Variants in MATN4 observed in about 807,000 individuals in gnomAD.
MATN4 encodes matrilin-4.
Under a neutral mutation model 54.6 loss-of-function variants are expected in MATN4, and 40 were observed. The observed-to-expected ratio is 0.73, with a 90% CI of 0.57 to 0.95. The LOEUF (loss-of-function observed/expected upper bound fraction) is 0.95. MATN4 is among the 40% of genes least tolerant of loss of function. The pLI, the probability that MATN4 is intolerant of heterozygous loss-of-function variation, is 0.00. For missense variants in MATN4, 810 were observed against 819.1 expected (o/e 0.99, Z 0.13); for synonymous variants, 351 against 345.3 (o/e 1.02, Z -0.18).
In MATN4 at chr20:45,300,957, G is replaced by A. The variant is rs143769922; in HGVS notation, c.942C>T (p.Ser314=). Residue 314 remains serine, a synonymous_variant, in exon 6 of 10, where the codon AGC becomes AGT. Coordinates refer to ENST00000372756, the MANE Select transcript of MATN4 (RefSeq NM_001393530.1). ...ACAGGCAGCGGTAGGAGAGGCCCTC[G>A]CTCACACACTGGAACTCACAGCCAT... ...VDHGCEFQCV[S]EGLSYRCLCP... is the part of the protein sequence containing the mutation. 1.3e-4 allele frequency: 215 copies of A among 1,614,014 alleles called. 1 individual carries two copies. The African/African-American group carries it at 1.6e-3, about 12-fold the overall frequency.
At chr20:45,295,986 C>T (rs1201233305) in intron 8 of MATN4, among the ~76,000 whole-genome samples, 3 of 151,838 alleles carry the variant, frequency 2.0e-5, no homozygotes, top group Admixed American at 6.6e-5. Context: ...GAGGCTGAGG[C>T]GGGTGGATCA....
chr20:45,297,926 A>T lies in MATN4; in HGVS notation c.1571T>A (p.Ile524Asn), dbSNP rs138008708. 2.3e-5 allele frequency: 37 copies of T among 1,614,152 alleles called. No homozygotes were observed. In the African/African-American group the frequency reaches 4.8e-4, roughly 21 times the overall value. The change falls in exon 8 of 10, where the codon ATC (isoleucine) becomes AAC (asparagine). Residue 524 changes from isoleucine to asparagine, a missense_variant. Coordinates refer to ENST00000372756, the MANE Select transcript of MATN4 (RefSeq NM_001393530.1). ...GAGAGAGATGCGCTCACCTGGACAG[A>T]TGCTGCCTCTGAGGTTCTCCAGCAG... ...THLLENLRGS[I>N]CPEEGISAGT...
chr20:45,300,738 G>A (rs1986168106), intron 6 of MATN4, 149 bp downstream of exon 6: 3 of 870,778 alleles, frequency 3.4e-6, no homozygotes, highest in Non-Finnish European at 5.2e-6. Context: ...ATGGAAGGAG[G>A]GAATGGCACA....
intron 3 of MATN4, among the ~76,000 whole-genome samples, chr20:45,303,082 CAAAAAAAA>C (rs79635257): frequency 2.4e-5 from 2 of 82,928 alleles, no homozygotes; most frequent in Non-Finnish European, 4.8e-5. Flanking sequence ...GACTCTGTCT[CAAAAAAAA>C]AAAAAAAAAA....
intron 6 of MATN4, among the ~76,000 whole-genome samples, chr20:45,299,547 A>T (rs1030706468): frequency 1.3e-5 from 2 of 152,122 alleles, no homozygotes; most frequent in African/African-American, 4.8e-5. Context: ...TTAGGATTAG[A>T]TGAGGACATG....
intron 2 of MATN4, 140 bp downstream of exon 2, chr20:45,305,370 G>C (rs1161981432): frequency 3.4e-6 from 2 of 583,062 alleles, no homozygotes; most frequent in Admixed American, 3.3e-5. Context: ...GGCCCAGAAA[G>C]GTGAAGTGGG....
In MATN4 at chr20:45,298,390, G is replaced by A. The variant is rs776094217; in HGVS notation, c.1206C>T (p.Tyr402=). The part of the protein sequence containing the change: ...RVRTEFPLGR[Y]GTAAEVKQAV... ...CCTGCTTCACCTCGGCTGCGGTGCC[G>A]TAGCGACCCAGAGGGAACTCGGTGC... The change falls in exon 7 of 10, where the codon TAC becomes TAT. Residue 402 remains tyrosine (Y), a synonymous_variant. Transcript: ENST00000372756. The surrounding 1 kb of genome is among the most constrained non-coding windows in gnomAD (Gnocchi z 4.6). 4.3e-6 allele frequency: 7 copies of A among 1,612,322 alleles called. No individual in the cohort carries two copies. The highest frequency in any genetic ancestry group is 4.0e-5 in the African/African-American group (3 of 74,936).
Position 45,304,240 on chromosome 20 carries a change from T to C in MATN4, c.631A>G (p.Ser211Gly). 2 of 1,523,900 alleles carry C rather than the reference T, an allele frequency of 1.3e-6. No homozygotes were observed. The highest frequency in any genetic ancestry group is 1.3e-5 in the South Asian group (1 of 77,980). 94.4% of individuals were successfully genotyped at this position (1,523,900 alleles called of 1,614,324 possible). A position where few individuals can be genotyped will look rare whatever the true frequency, so the allele number is the denominator to read the frequency against. ...CCTCCTAACTCACCACACAGCCGGC[T>C]CTGGAACTGCAGGCCGAACTCCTGG... ...LIQEFGLQFQ[S>G]RLCAIDLCAE... Residue 211 changes from serine (S) to glycine (G), a missense_variant, in exon 3 of 10, where the codon AGC becomes GGC. Physicochemically the swap from Ser to Gly is moderately conservative, Grantham distance 56. Transcript: ENST00000372756.
Position 45,298,007 on chromosome 20 carries a change from G to A in MATN4, c.1490C>T (p.Ser497Leu). 5 of 1,614,050 alleles carry A rather than the reference G, an allele frequency of 3.1e-6. No homozygotes were observed. The highest frequency in any genetic ancestry group is 1.3e-5 in the African/African-American group (1 of 75,036). The change falls in exon 8 of 10, where the codon TCG (serine) becomes TTG (leucine). Residue 497 changes from serine (S) to leucine (L), a missense_variant. By Grantham distance (145) the Ser-to-Leu change is moderately radical. Transcript: ENST00000372756. This position sits in a 1 kb window ranked among gnomAD's most constrained non-coding sequence, Gnocchi z 4.6. ...AVEAELREIA[S>L]EPAELHVSYA... ...GGACACGTGCAGTTCCGCTGGCTCC[G>A]AGGCGATCTCGCGCAGCTCCGCCTC...
chr20:45,297,437 TA>T (rs34773329), intron 8 of MATN4, among the ~76,000 whole-genome samples: 38,073 of 141,552 alleles, frequency 0.27, 4,902 homozygotes, highest in Admixed American at 0.35. Flanking sequence ...TTGTCCCCAA[TA>T]AAAAAAAAAA....
upstream of MATN4, chr20:45,308,489 C>T (rs1322843482): frequency 3.7e-6 from 2 of 538,168 alleles, no homozygotes; most frequent in Non-Finnish European, 6.7e-6. Context: ...GGCTGGAATT[C>T]AGCTACAGCG....
upstream of MATN4, chr20:45,308,332 CA>C: frequency 1.1e-6 from 1 of 950,180 alleles, no homozygotes; most frequent in Non-Finnish European, 1.7e-6. Flanking sequence ...GCATTTAACC[CA>C]GGGCTGGCGG....
intron 1 of MATN4, among the ~76,000 whole-genome samples, chr20:45,307,910 A>T (rs568615863): frequency 6.6e-6 from 1 of 152,172 alleles, no homozygotes; most frequent in South Asian, 2.1e-4. Context: ...GCAAGGGAGG[A>T]GAGGCCTGTA....
chr20:45,304,354 C>T lies in MATN4; in HGVS notation c.517G>A (p.Val173Met), dbSNP rs1340365794. The T allele has an allele frequency of 1.3e-6, 2 of 1,506,174 alleles. No individual in the cohort carries two copies. The highest frequency in any genetic ancestry group is 1.8e-4 in the Middle Eastern group (1 of 5,552). 93.3% of individuals were successfully genotyped at this position (1,506,174 alleles called of 1,614,324 possible). A position where few individuals can be genotyped will look rare whatever the true frequency, so the allele number is the denominator to read the frequency against. Reference sequence around the variant, plus strand: ...AGGGAGCCCACGTCCGCGCGCTGCACCCCCACCGCGTAAATTTCAATGCCG... The same window carrying T: ...AGGGAGCCCACGTCCGCGCGCTGCATCCCCACCGCGTAAATTTCAATGCCG... ...ARGIEIYAVG[V>M]QRADVGSLRA... The change falls in exon 3 of 10, where the codon GTG becomes ATG. Residue 173 changes from valine to methionine, a missense_variant. Physicochemically the swap from Val to Met is conservative, Grantham distance 21. Coordinates refer to ENST00000372756, the MANE Select transcript of MATN4 (RefSeq NM_001393530.1).
intron 5 of MATN4, 40 bp from the exon 6 acceptor site, chr20:45,301,049 C>T (rs1325251753): frequency 1.2e-6 from 2 of 1,613,912 alleles, no homozygotes; most frequent in Admixed American, 3.3e-5. Context: ...AGGATGGACC[C>T]CACCAGCTAA....
At position 45,298,127 on chromosome 20, in the gene MATN4, G is replaced by A. The variant is rs761636941; in HGVS notation, c.1426+43C>T. ...GGCCTCGGGAAAGCTGCCTCCCAGCGTCTGACCCAACCCCAGCCCACTGTG... is the reference window on the plus strand; with the variant it reads ...GGCCTCGGGAAAGCTGCCTCCCAGCATCTGACCCAACCCCAGCCCACTGTG... On this transcript the variant is annotated intron_variant, in intron 7 of 9. Coordinates refer to ENST00000372756, the MANE Select transcript of MATN4 (RefSeq NM_001393530.1). This position sits in a 1 kb window ranked among gnomAD's most constrained non-coding sequence, Gnocchi z 4.6. The A allele has an allele frequency of 2.5e-5, 40 of 1,602,446 alleles. No individual in the cohort carries two copies. The highest frequency in any genetic ancestry group is 1.1e-4 in the South Asian group (10 of 90,584).
In MATN4 at chr20:45,297,084, G is replaced by A. The variant is rs141995981; in HGVS notation, c.1579+834C>T. Among the ~76,000 whole-genome samples, 328 of 151,692 alleles carry A rather than the reference G, an allele frequency of 2.2e-3. 1 individual carries two copies. Among genetic ancestry groups the A allele is most frequent in the African/African-American group, 5.1e-3 (211 of 41,340 alleles). ...TGATCTCAAGTGATCCAGCCGCCTC[G>A]GCCTCCCAGAGTGCTGGGATTACAG... On this transcript the variant is annotated intron_variant, in intron 8 of 9. Coordinates refer to ENST00000372756, the MANE Select transcript of MATN4 (RefSeq NM_001393530.1).
Position 45,293,459 on chromosome 20 carries a change from GT to G in MATN4, c.*307del, listed in dbSNP as rs1017150760. 9.0e-6 allele frequency: 3 copies of G among 334,714 alleles called. No individual in the cohort carries two copies. The highest frequency in any genetic ancestry group is 2.2e-4 in the South Asian group (2 of 9,182). 20.7% of individuals were successfully genotyped at this position (334,714 alleles called of 1,614,324 possible). On this transcript the variant is annotated 3_prime_UTR_variant, in exon 10 of 10. Transcript: ENST00000372756. ...CCAAAAACGGACCCCGTGGAAATCA[GT>G]TTTTTTTATTTTTTTAAGAACACAA...
chr20:45,295,736 T>C (rs982801641), intron 8 of MATN4, among the ~76,000 whole-genome samples: 1 of 152,178 alleles, frequency 6.6e-6, no homozygotes, highest in African/African-American at 2.4e-5. Context: ...GTGACCTAAT[T>C]TTTAGGAACC....
Sources: allele counts gnomAD v4.1 joint callset (sites outside exome capture counted in the v4.1 genomes callset), GRCh38; gene constraint gnomAD v4.1.1; non-coding constraint Gnocchi (gnomAD v3.1); transcripts MANE v1.5; gene names NCBI Gene and HGNC (gene_info 2026-07-23, HGNC 2026-07-21).